The following CSRNP3 variants were observed in gnomAD, a reference collection of about 807,000 sequenced individuals.
The protein encoded by CSRNP3 is cysteine and serine rich nuclear protein 3, also known as cysteine/serine-rich nuclear protein 3.
In CSRNP3, 12 loss-of-function variants were observed where a neutral mutation model predicts 48.0. That is an observed-to-expected ratio of 0.25 (90% CI 0.16 to 0.41). The LOEUF (loss-of-function observed/expected upper bound fraction) is 0.41, where lower values mean the gene tolerates loss of function less well. Among genes scored for constraint, CSRNP3 ranks in the 10% least tolerant of loss-of-function variants. The pLI is 1.00. For synonymous variants in CSRNP3, 263 were observed against 269.7 expected (o/e 0.98, Z 0.24); for missense variants, 580 against 724.4 (o/e 0.80, Z 2.29).
At chr2:165,610,660 G>C (rs1324478023) in intron 4 of CSRNP3, among the ~76,000 whole-genome samples, 1 of 152,126 alleles carries the variant, frequency 6.6e-6, no homozygotes, top group Non-Finnish European at 1.5e-5. Context: ...TGACTGAAGG[G>C]GTAAGATTAG....
intron 3 of CSRNP3, among the ~76,000 whole-genome samples, chr2:165,591,912 G>A (rs1025044543): frequency 2.6e-5 from 4 of 152,156 alleles, no homozygotes; most frequent in Non-Finnish European, 5.9e-5. Context: ...AGTCCCCACT[G>A]GGGCACTGCC....
intron 1 of CSRNP3, among the ~76,000 whole-genome samples, chr2:165,494,289 G>A (rs1352499459): frequency 6.6e-6 from 1 of 151,946 alleles, no homozygotes; most frequent in East Asian, 1.9e-4. Flanking sequence ...AAGAGCCCCA[G>A]GAAAATAGAT....
At chr2:165,576,203 A>G (rs1475741383) in intron 3 of CSRNP3, among the ~76,000 whole-genome samples, 1 of 151,542 alleles carries the variant, frequency 6.6e-6, no homozygotes, top group African/African-American at 2.4e-5. Context: ...TATTATGTAT[A>G]TACACACACA....
At chr2:165,525,125 C>A (rs550641835) in intron 3 of CSRNP3, among the ~76,000 whole-genome samples, 1 of 152,284 alleles carries the variant, frequency 6.6e-6, no homozygotes, top group African/African-American at 2.4e-5. Flanking sequence ...TTTAACCATT[C>A]TAATTATCAC....
chr2:165,666,769 G>C lies in CSRNP3; in HGVS notation c.408+8749G>C, dbSNP rs967729033. 2.1e-5 allele frequency among the ~76,000 whole-genome samples: 3 copies of C among 140,948 alleles called. No individual in the cohort carries two copies. In the Admixed American group the frequency reaches 2.2e-4, roughly 10 times the overall value. The allele number at this position is 140,948 out of a possible 152,430, so 92.5% of individuals were successfully genotyped here. A position where few individuals can be genotyped will look rare whatever the true frequency, so the allele number is the denominator to read the frequency against. ...GGAAGGAAGGAGAGAGAGGAAGAAA[G>C]AAAGAGAAAGGAAGGCAGGAAGGAA... On this transcript the variant is annotated intron_variant, in intron 5 of 6. Coordinates refer to ENST00000651982, the MANE Select transcript of CSRNP3 (RefSeq NM_001172173.2).
At chr2:165,545,205 G>C (rs1685008813) in intron 3 of CSRNP3, among the ~76,000 whole-genome samples, 1 of 152,176 alleles carries the variant, frequency 6.6e-6, no homozygotes. Flanking sequence ...TTTTATGAGA[G>C]AATGGGTGGA....
Position 165,681,599 on chromosome 2 carries a change from T to C in CSRNP3, c.*1846T>C, listed in dbSNP as rs1413896074. 6.6e-6 allele frequency: 1 copy of C among 151,210 alleles called. No homozygotes were observed. Among genetic ancestry groups the C allele is most frequent in the East Asian group, 2.0e-4 (1 of 5,122 alleles). 9.4% of individuals were successfully genotyped at this position (151,210 alleles called of 1,614,324 possible). ...ATTGGGCCAAATTTATAACTCTTAA[T>C]ATTAACATTAAAAGAGCTTTGGGTT... is the stretch of plus-strand genomic sequence containing the variant. On this transcript the variant is annotated 3_prime_UTR_variant, in exon 7 of 7. Transcript: ENST00000651982.
At chr2:165,609,060 T>C (rs1308758571) in intron 4 of CSRNP3, among the ~76,000 whole-genome samples, 2 of 147,730 alleles carry the variant, frequency 1.4e-5, no homozygotes, top group Admixed American at 1.4e-4. Flanking sequence ...TGAGCTGAGA[T>C]GGCGCCACTG....
At chr2:165,542,648 G>T (rs10427253) in intron 3 of CSRNP3, among the ~76,000 whole-genome samples, 21,188 of 151,840 alleles carry the variant, frequency 0.14, 2,099 homozygotes, top group African/African-American at 0.28. Flanking sequence ...TTTTATATTT[G>T]CCCACTATTA....
chr2:165,502,066 T>C (rs1307246463), intron 2 of CSRNP3, among the ~76,000 whole-genome samples: 3 of 152,108 alleles, frequency 2.0e-5, no homozygotes, highest in Non-Finnish European at 4.4e-5. Context: ...AAAAAAGTTT[T>C]AGCTTTGAGG....
At chr2:165,518,861 T>G (rs1394057972) in intron 3 of CSRNP3, among the ~76,000 whole-genome samples, 1 of 152,054 alleles carries the variant, frequency 6.6e-6, no homozygotes, top group African/African-American at 2.4e-5. Context: ...TTTGGTTCTT[T>G]CTAAGTGAAT....
At chr2:165,547,567 G>C (rs772003759) in intron 3 of CSRNP3, among the ~76,000 whole-genome samples, 1 of 151,738 alleles carries the variant, frequency 6.6e-6, no homozygotes, top group African/African-American at 2.4e-5. Context: ...TTGGCAGTTT[G>C]AATTTCTTTT....
intron 2 of CSRNP3, among the ~76,000 whole-genome samples, chr2:165,515,998 G>C (rs192866236): frequency 1.0e-3 from 152 of 151,664 alleles, no homozygotes; most frequent in Non-Finnish European, 1.7e-3. Flanking sequence ...TAGAGATGAG[G>C]TTTCACCATG....
intron 3 of CSRNP3, among the ~76,000 whole-genome samples, chr2:165,522,669 T>C (rs1684678320): frequency 1.3e-5 from 2 of 151,930 alleles, no homozygotes; most frequent in South Asian, 4.2e-4. Context: ...ACAAATGTAA[T>C]AAACTCTTTT....
intron 3 of CSRNP3, among the ~76,000 whole-genome samples, chr2:165,581,141 A>G (rs926213560): frequency 2.0e-5 from 3 of 152,178 alleles, no homozygotes; most frequent in Non-Finnish European, 4.4e-5. Context: ...TTGACTTTCA[A>G]ACTAGTGTAT....
chr2:165,480,649 C>A (rs1412989922), intron 1 of CSRNP3, among the ~76,000 whole-genome samples: 1 of 151,412 alleles, frequency 6.6e-6, no homozygotes, highest in Non-Finnish European at 1.5e-5. Context: ...ATTGGCAGAA[C>A]CTTACTGGCA....
At chr2:165,635,080 G>C (rs1027941532) in intron 4 of CSRNP3, among the ~76,000 whole-genome samples, 1 of 152,188 alleles carries the variant, frequency 6.6e-6, no homozygotes, top group East Asian at 1.9e-4. Context: ...TCTCAGCTGA[G>C]GGAGCTGATT....
At chr2:165,656,740 T>G (rs2105346152) in intron 4 of CSRNP3, among the ~76,000 whole-genome samples, 1 of 152,314 alleles carries the variant, frequency 6.6e-6, no homozygotes, top group South Asian at 2.1e-4. Flanking sequence ...TTGTGTGTGT[T>G]TTTATTGCTT....
At chr2:165,617,302 G>A (rs1686262614) in intron 4 of CSRNP3, among the ~76,000 whole-genome samples, 2 of 152,154 alleles carry the variant, frequency 1.3e-5, no homozygotes, top group Non-Finnish European at 2.9e-5. Context: ...TATGGAGGTA[G>A]CTTTCATATG....
Sources: allele counts gnomAD v4.1 joint callset (sites outside exome capture counted in the v4.1 genomes callset), GRCh38; gene constraint gnomAD v4.1.1; transcripts MANE v1.5; gene names NCBI Gene and HGNC (gene_info 2026-07-23, HGNC 2026-07-21).